The following GLI2 variants were observed in gnomAD, a reference collection of about 807,000 sequenced individuals.
GLI2 encodes the protein GLI family zinc finger 2.
Under a neutral mutation model 78.9 loss-of-function variants are expected in GLI2, and 22 were observed. The ratio of observed to expected loss-of-function variants is 0.28; its 90% confidence interval spans 0.20 to 0.40. The LOEUF (loss-of-function observed/expected upper bound fraction) is 0.40. GLI2 is among the 10% of genes least tolerant of loss of function. The pLI is 1.00. For synonymous variants in GLI2, 974 were observed against 963.7 expected, an observed-to-expected ratio of 1.01 and a Z score of -0.20; for missense variants, 2,097 against 2,213.2, an observed-to-expected ratio of 0.95 and a Z score of 1.05.
At chr2:120,879,146 T>C (rs1261012307) in intron 2 of GLI2, among the ~76,000 whole-genome samples, 1 of 152,074 alleles carries the variant, frequency 6.6e-6, no homozygotes, top group Non-Finnish European at 1.5e-5. Context: ...TCAGTTTCCT[T>C]CCCCAGGAGG....
chr2:120,747,039 T>C (rs1255092962), intron 1 of GLI2, among the ~76,000 whole-genome samples: 1 of 152,254 alleles, frequency 6.6e-6, no homozygotes, highest in Non-Finnish European at 1.5e-5. Flanking sequence ...TTTTTGTTAT[T>C]ATAGATAATA....
rs1375369586 is a variant in GLI2, at chr2:120,982,973, T to C, written c.1632+93T>C. On this transcript the variant is annotated intron_variant, in intron 11 of 13. Transcript: ENST00000361492. ...ATCTGTAGTCCAGTAGATAGCCAGG[T>C]GCCCCATGTCCCGCCCCCGCCACTG... is the stretch of plus-strand genomic sequence containing the variant. 3 of 1,281,808 alleles carry C rather than the reference T, an allele frequency of 2.3e-6. No individual in the cohort carries two copies. The African/African-American group carries it at 4.4e-5, about 19-fold the overall frequency. The allele number at this position is 1,281,808 out of a possible 1,614,324, so 79.4% of individuals were successfully genotyped here. A position where few individuals can be genotyped will look rare whatever the true frequency, so the allele number is the denominator to read the frequency against.
In GLI2 at chr2:120,989,543, G is replaced by A. The variant is rs1163477393; in HGVS notation, c.3578G>A (p.Gly1193Glu). The A allele has an allele frequency of 6.2e-7, 1 of 1,612,484 alleles. No homozygotes were observed. Among genetic ancestry groups the A allele is most frequent in the African/African-American group, 1.3e-5 (1 of 74,924 alleles). ...CAGCCACACCTGCAGCCCCGCAGCGGAGCCCCCTCCCAGGGCATCCCCAGG... is the reference window on the plus strand; with the variant it reads ...CAGCCACACCTGCAGCCCCGCAGCGAAGCCCCCTCCCAGGGCATCCCCAGG... ...STQPHLQPRS[G>E]APSQGIPRVN... The change falls in exon 14 of 14, where the codon GGA becomes GAA. Residue 1193 changes from glycine (G) to glutamate (E), a missense_variant. By Grantham distance (98) the Gly-to-Glu change is moderately conservative. Around this residue, in one of 5 missense-constraint regions of GLI2, gnomAD observed 1,290 missense variants for 1,261.7 expected, o/e 1.02. Transcript: ENST00000361492.
chr2:120,736,850 C>T (rs1224268072), intron 1 of GLI2, among the ~76,000 whole-genome samples: 1 of 150,984 alleles, frequency 6.6e-6, no homozygotes, highest in African/African-American at 2.4e-5. Context: ...CCGCCCCCTC[C>T]CCCTCTGCTG....
intron 2 of GLI2, among the ~76,000 whole-genome samples, chr2:120,884,887 ATCT>A: frequency 6.6e-6 from 1 of 152,140 alleles, no homozygotes; most frequent in Admixed American, 6.5e-5. Context: ...TCTTCCTGTA[ATCT>A]TCTCCCACAG....
intron 1 of GLI2, among the ~76,000 whole-genome samples, chr2:120,768,799 CTG>C (rs5833852): frequency 0.088 from 12,994 of 147,146 alleles, 695 homozygotes; most frequent in African/African-American, 0.17. Context: ...GGCCCCGCCC[CTG>C]TGTGTGTGTG....
chr2:120,753,205 C>T (rs201719483), intron 1 of GLI2, among the ~76,000 whole-genome samples: 2 of 150,058 alleles, frequency 1.3e-5, no homozygotes, highest in East Asian at 3.9e-4. Flanking sequence ...AAGGGATTCT[C>T]GTGCCTCAGC....
chr2:120,804,541 T>C (rs1465589149), intron 2 of GLI2, among the ~76,000 whole-genome samples: 1 of 152,142 alleles, frequency 6.6e-6, no homozygotes, highest in East Asian at 1.9e-4. Context: ...TTCCCTGGCT[T>C]ATCCGAGTTT....
At position 120,931,865 on chromosome 2, in the gene GLI2, T is replaced by C. The variant is rs1679958199; in HGVS notation, c.254+4399T>C. 2.0e-5 allele frequency among the ~76,000 whole-genome samples: 3 copies of C among 152,156 alleles called. No homozygotes were observed. In the South Asian group the frequency reaches 6.2e-4, roughly 32 times the overall value. ...GGCTAGTCTGGTTAAGCCCCAGTGA[T>C]GGGCAGCAGCATGGTGCTCCCAGAG... On this transcript the variant is annotated intron_variant, in intron 3 of 13. Coordinates refer to ENST00000361492, the MANE Select transcript of GLI2 (RefSeq NM_001374353.1).
intron 1 of GLI2, among the ~76,000 whole-genome samples, chr2:120,795,655 ACT>A (rs1463781029): frequency 1.3e-5 from 2 of 151,940 alleles, no homozygotes; most frequent in African/African-American, 2.4e-5. Context: ...CCGTCCCCAC[ACT>A]CTCTGCAGGA....
intron 2 of GLI2, among the ~76,000 whole-genome samples, chr2:120,813,229 C>G (rs1193955648): frequency 6.6e-6 from 1 of 152,244 alleles, no homozygotes; most frequent in East Asian, 1.9e-4. Context: ...TTAAAAACCA[C>G]ACCAAAACAA....
Position 120,984,726 on chromosome 2 carries a change from A to C in GLI2, c.1888A>C (p.Lys630Gln). 6.2e-7 allele frequency: 1 copy of C among 1,612,964 alleles called. No individual in the cohort carries two copies. ...GGACTGCCTGCACGTCAGAGCCATCAAGACCGAGAGCTCCGGGGTAAGCGG... is the reference window on the plus strand; with the variant it reads ...GGACTGCCTGCACGTCAGAGCCATCCAGACCGAGAGCTCCGGGGTAAGCGG... Reference protein sequence around the residue: ...VEDCLHVRAIKTESSGLCQSS... With the variant: ...VEDCLHVRAIQTESSGLCQSS... Residue 630 changes from lysine to glutamine, a missense_variant, in exon 12 of 14, where the codon AAG becomes CAG. Coordinates refer to ENST00000361492, the MANE Select transcript of GLI2 (RefSeq NM_001374353.1).
intron 1 of GLI2, among the ~76,000 whole-genome samples, chr2:120,743,382 T>C (rs998889543): frequency 3.9e-5 from 6 of 152,090 alleles, no homozygotes; most frequent in African/African-American, 1.2e-4. Flanking sequence ...GGTGGGAGGA[T>C]TGCTGGAGTT....
At chr2:120,839,137 C>A (rs1007682489) in intron 2 of GLI2, among the ~76,000 whole-genome samples, 5 of 152,192 alleles carry the variant, frequency 3.3e-5, no homozygotes, top group Admixed American at 3.3e-4. Flanking sequence ...CTAAGGAATG[C>A]TTCCCTTTCC....
chr2:120,974,154 T>C (rs565683266), intron 8 of GLI2, among the ~76,000 whole-genome samples: 1 of 152,246 alleles, frequency 6.6e-6, no homozygotes, highest in African/African-American at 2.4e-5. Flanking sequence ...GCTCCCAGCC[T>C]TCCTAGCAGA....
In GLI2 at chr2:120,945,957, TCACACACACACA is replaced by T. The variant is rs3223143; in HGVS notation, c.255-5263_255-5252del. Among the ~76,000 whole-genome samples the T allele has an allele frequency of 1.0e-4, 14 of 134,256 alleles. No homozygotes were observed. In the South Asian group the frequency reaches 2.7e-3, roughly 26 times the overall value. 88.1% of individuals were successfully genotyped at this position (134,256 alleles called of 152,430 possible). A position where few individuals can be genotyped will look rare whatever the true frequency, so the allele number is the denominator to read the frequency against. On this transcript the variant is annotated intron_variant, in intron 3 of 13. Transcript: ENST00000361492. ...GCCCTGCCCCTCAGGCATAACCTTC[TCACACACACACA>T]CACACACACACACACACACACAGCT... is the stretch of plus-strand genomic sequence containing the variant.
intron 2 of GLI2, among the ~76,000 whole-genome samples, chr2:120,803,595 T>C (rs529777974): frequency 6.6e-6 from 1 of 152,234 alleles, no homozygotes; most frequent in East Asian, 1.9e-4. Context: ...AAATCAGACC[T>C]GGGTGCCTGT....
At chr2:120,950,633 G>A (rs1680933886) in intron 3 of GLI2, among the ~76,000 whole-genome samples, 2 of 152,202 alleles carry the variant, frequency 1.3e-5, no homozygotes, top group Admixed American at 6.5e-5. Context: ...GAAGGAGAAC[G>A]AGGAGATATT....
intron 2 of GLI2, among the ~76,000 whole-genome samples, chr2:120,921,459 G>C (rs1355086094): frequency 2.0e-5 from 3 of 152,064 alleles, no homozygotes; most frequent in African/African-American, 7.2e-5. Context: ...TGAAGCCTTG[G>C]GGTGTCACTG....
Sources: gnomAD v4.1 joint callset for allele counts (sites outside exome capture counted in the v4.1 genomes callset) on GRCh38, gnomAD v4.1.1 for gene constraint, gnomAD v4.1.1 regional missense constraint, MANE v1.5 for transcripts, NCBI Gene and HGNC (gene_info 2026-07-23, HGNC 2026-07-21) for gene names.